Variants in CCDC180 observed in about 807,000 individuals in gnomAD.
CCDC180 encodes the protein coiled-coil domain-containing protein 180.
Under a neutral mutation model 209.2 loss-of-function variants are expected in CCDC180, and 154 were observed. The observed-to-expected ratio is 0.74, with a 90% CI of 0.65 to 0.84. The LOEUF (loss-of-function observed/expected upper bound fraction) is 0.84, where lower values mean the gene tolerates loss of function less well. Ranked by LOEUF, CCDC180 falls within the 40% of genes least tolerant of loss-of-function variation. The pLI is 0.00. For synonymous variants in CCDC180, 778 were observed against 749.1 expected, an observed-to-expected ratio of 1.04 and a Z score of -0.63; for missense variants, 1,874 against 1,997.3, an observed-to-expected ratio of 0.94 and a Z score of 1.18.
intron 15 of CCDC180, among the ~76,000 whole-genome samples, 170 bp from the exon 16 acceptor site, chr9:97,327,850 A>T (rs1422235595): frequency 6.6e-6 from 1 of 152,204 alleles, no homozygotes; most frequent in Non-Finnish European, 1.5e-5. Flanking sequence ...TACAAAAAGT[A>T]TGTATTTCTC....
rs1399389415 is a variant in CCDC180 at position 97,364,044 on chromosome 9, C to T, written c.3903-7C>T. 1 of 1,613,920 alleles carries T rather than the reference C, an allele frequency of 6.2e-7. No homozygotes were observed. Among genetic ancestry groups the T allele is most frequent in the Non-Finnish European group, 8.5e-7 (1 of 1,179,958 alleles). On this transcript the variant is annotated splice_region_variant and splice_polypyrimidine_tract_variant and intron_variant, in intron 28 of 36. Coordinates refer to ENST00000529487, the MANE Select transcript of CCDC180 (RefSeq NM_020893.6). ...CTCCAGACCACCCACCCACCTTTGTCCCACAGCTTCACACCGCACCCCAAG... is the reference window on the plus strand; with the variant it reads ...CTCCAGACCACCCACCCACCTTTGTTCCACAGCTTCACACCGCACCCCAAG...
chr9:97,345,563 C>CT (rs35152148), intron 19 of CCDC180: 40 of 415,406 alleles, frequency 9.6e-5, no homozygotes, highest in African/African-American at 1.3e-4. Flanking sequence ...GATTTTCTGT[C>CT]TTTTTTTTAT....
chr9:97,308,661 G>A (rs1832881815), intron 2 of CCDC180, among the ~76,000 whole-genome samples: 1 of 152,202 alleles, frequency 6.6e-6, no homozygotes, highest in Non-Finnish European at 1.5e-5. Flanking sequence ...GCACTGTATA[G>A]ACAAAACAAG....
At chr9:97,367,559 T>G (rs1826962085) in intron 31 of CCDC180, among the ~76,000 whole-genome samples, 1 of 151,932 alleles carries the variant, frequency 6.6e-6, no homozygotes, top group South Asian at 2.1e-4. Flanking sequence ...CTGCAACCTC[T>G]GTCTCCTGGG....
chr9:97,330,898 ATATTCATAC>A, intron 18 of CCDC180, 131 bp downstream of exon 18: 1 of 928,370 alleles, frequency 1.1e-6, no homozygotes, highest in Admixed American at 2.3e-5. Context: ...AATTACAAAA[ATATTCATAC>A]TATTCATACT....
chr9:97,341,973 T>G (rs1430719467), intron 18 of CCDC180, among the ~76,000 whole-genome samples: 1 of 152,234 alleles, frequency 6.6e-6, no homozygotes, highest in Non-Finnish European at 1.5e-5. Context: ...GCATGGGACC[T>G]GCTGAGCCAG....
chr9:97,342,205 A>G (rs1826106237), intron 18 of CCDC180, among the ~76,000 whole-genome samples: 1 of 152,224 alleles, frequency 6.6e-6, no homozygotes, highest in Non-Finnish European at 1.5e-5. Context: ...AGTCCCAATG[A>G]GGTGAACCAG....
intron 31 of CCDC180, among the ~76,000 whole-genome samples, chr9:97,368,520 A>G (rs1826988603): frequency 6.6e-6 from 1 of 152,224 alleles, no homozygotes; most frequent in South Asian, 2.1e-4. Context: ...AAACTGTCTT[A>G]TCAAAAACCA....
chr9:97,335,130 T>C (rs946907912), intron 18 of CCDC180, among the ~76,000 whole-genome samples: 1 of 152,058 alleles, frequency 6.6e-6, no homozygotes, highest in African/African-American at 2.4e-5. Flanking sequence ...GCTTTCTTCC[T>C]TCTTTTGCTC....
In CCDC180 at chr9:97,354,997, A is replaced by G; in HGVS notation, c.3253A>G (p.Ile1085Val). ...GTTGCTGACGAATCTGCAAGTGAAAATCAAGTGCCAGGTAGGATAGATTCA... is the reference window on the plus strand; with the variant it reads ...GTTGCTGACGAATCTGCAAGTGAAAGTCAAGTGCCAGGTAGGATAGATTCA... ...QRLLTNLQVK[I>V]KCQVAKSNSQ... Residue 1085 changes from isoleucine (I) to valine (V), a missense_variant, in exon 24 of 37, where the codon ATC becomes GTC. Coordinates refer to ENST00000529487, the MANE Select transcript of CCDC180 (RefSeq NM_020893.6). 1 of 1,604,360 alleles carries G rather than the reference A, an allele frequency of 6.2e-7. No individual in the cohort carries two copies. The highest frequency in any genetic ancestry group is 1.1e-5 in the South Asian group (1 of 90,878).
chr9:97,353,903 A>G (rs1158937326), intron 22 of CCDC180, among the ~76,000 whole-genome samples: 1 of 152,076 alleles, frequency 6.6e-6, no homozygotes, highest in East Asian at 1.9e-4. Flanking sequence ...GCAGTCATCA[A>G]GACTGAACCT....
intron 29 of CCDC180, among the ~76,000 whole-genome samples, chr9:97,364,907 C>CA: frequency 6.6e-6 from 1 of 152,282 alleles, no homozygotes; most frequent in South Asian, 2.1e-4. Context: ...CAGGCACTGC[C>CA]ATGGGGCTGG....
Position 97,377,039 on chromosome 9 carries a change from C to T in CCDC180, c.*145C>T. ...CGGGCACTGTAGCTTTACCAGCGAA[C>T]AGGACACAGCATGGTCCCTGCCCAC... On this transcript the variant is annotated 3_prime_UTR_variant, in exon 37 of 37. Transcript: ENST00000529487. The T allele has an allele frequency of 2.3e-6, 2 of 862,776 alleles. No homozygotes were observed. The highest frequency in any genetic ancestry group is 3.4e-6 in the Non-Finnish European group (2 of 592,434). 53.4% of individuals were successfully genotyped at this position (862,776 alleles called of 1,614,324 possible).
intron 1 of CCDC180, 68 bp downstream of exon 1, chr9:97,307,874 CAG>C (rs1380203014): frequency 2.5e-5 from 40 of 1,603,460 alleles, no homozygotes; most frequent in Non-Finnish European, 3.2e-5. Flanking sequence ...TACCCCCCAG[CAG>C]AGAGTCCTTC....
Position 97,350,466 on chromosome 9 carries a change from C to G in CCDC180, c.2913C>G (p.Thr971=). The change falls in exon 22 of 37, where the codon ACC becomes ACG. Residue 971 remains threonine, a synonymous_variant. Transcript: ENST00000529487. ...AGTTGCTTAGCTATGTTGATGTCAC[C>G]CAGGTGTCCCTGCGCAGCTTCCGGC... is the stretch of plus-strand genomic sequence containing the variant. ...HQELLSYVDV[T]QVSLRSFRQY... 1.3e-6 allele frequency: 2 copies of G among 1,536,286 alleles called. No individual in the cohort carries two copies. Among genetic ancestry groups the G allele is most frequent in the Admixed American group, 2.0e-5 (1 of 50,996 alleles).
rs938776071 is a variant in CCDC180 at position 97,362,337 on chromosome 9, C to T, written c.3798C>T (p.Ser1266=). Residue 1266 remains serine (S), a synonymous_variant, in exon 28 of 37, where the codon TCC becomes TCT. Transcript: ENST00000529487. ...GAVCSPPVLC[S]CPGPSSPKGF... ...TGTGCTCACCTCCTGTCCTCTGCTC[C>T]TGTCCTGGGCCCTCGTCACCCAAAG... The T allele has an allele frequency of 1.9e-6, 3 of 1,614,104 alleles. No individual in the cohort carries two copies. The highest frequency in any genetic ancestry group is 2.5e-6 in the Non-Finnish European group (3 of 1,180,018).
Position 97,330,448 on chromosome 9 carries a change from A to C in CCDC180, c.1955A>C (p.Glu652Ala), listed in dbSNP as rs1242794950. 1 of 1,614,078 alleles carries C rather than the reference A, an allele frequency of 6.2e-7. No individual in the cohort carries two copies. Among genetic ancestry groups the C allele is most frequent in the Non-Finnish European group, 8.5e-7 (1 of 1,180,052 alleles). The change falls in exon 18 of 37, where the codon GAG becomes GCG. Residue 652 changes from glutamate to alanine, a missense_variant. Glu to Ala is a moderately radical substitution (Grantham distance 107, BLOSUM62 -1). Coordinates refer to ENST00000529487, the MANE Select transcript of CCDC180 (RefSeq NM_020893.6). ...SGTSTARSVEEVEEENDQEME... is the reference protein window; with the variant it reads ...SGTSTARSVEAVEEENDQEME... ...ACAAGTACTGCCAGGTCAGTAGAAG[A>C]GGTGGAAGAAGAAAACGATCAAGAA...
At chr9:97,352,227 TCAAA>T (rs1291003971) in intron 22 of CCDC180, among the ~76,000 whole-genome samples, 2 of 152,166 alleles carry the variant, frequency 1.3e-5, no homozygotes, top group South Asian at 2.1e-4. Context: ...AGTTTGAAAC[TCAAA>T]CAAAGACCAG....
chr9:97,326,662 A>C lies in CCDC180; in HGVS notation c.1654A>C (p.Lys552Gln). The C allele has an allele frequency of 4.4e-6, 7 of 1,602,136 alleles. No individual in the cohort carries two copies. The highest frequency in any genetic ancestry group is 6.0e-6 in the Non-Finnish European group (7 of 1,169,110). The change falls in exon 15 of 37, where the codon AAA becomes CAA. Residue 552 changes from lysine to glutamine, a missense_variant. Physicochemically the swap from Lys to Gln is moderately conservative, Grantham distance 53 (BLOSUM62 1). Coordinates refer to ENST00000529487, the MANE Select transcript of CCDC180 (RefSeq NM_020893.6). ...GGTCAAAGATTATCTGAAGAACATG[A>C]AATCCAGGTAGGCCAACCAGACTCC... is the stretch of plus-strand genomic sequence containing the variant. ...EKVKDYLKNMKSRYECFHTLL... is the reference protein window; with the variant it reads ...EKVKDYLKNMQSRYECFHTLL...
Sources: gnomAD v4.1 joint callset for allele counts (sites outside exome capture counted in the v4.1 genomes callset) on GRCh38, gnomAD v4.1.1 for gene constraint, MANE v1.5 for transcripts, NCBI Gene and HGNC (gene_info 2026-07-23, HGNC 2026-07-21) for gene names.